PLCB1: variants seen among roughly 807,000 people sequenced by gnomAD.
The protein encoded by PLCB1 is 1-phosphatidylinositol 4,5-bisphosphate phosphodiesterase beta-1.
Under a neutral mutation model 161.8 loss-of-function variants are expected in PLCB1, and 46 were observed. That is an observed-to-expected ratio of 0.28 (90% CI 0.22 to 0.36). The LOEUF is 0.36. Among genes scored for constraint, PLCB1 ranks in the 10% least tolerant of loss-of-function variants. The pLI is 1.00. For synonymous variants in PLCB1, 517 were observed against 503.7 expected (o/e 1.03, Z -0.35); for missense variants, 1,016 against 1,472.5 (o/e 0.69, Z 5.07).
intron 23 of PLCB1, among the ~76,000 whole-genome samples, chr20:8,747,127 AC>A (rs1981213363): frequency 6.6e-6 from 1 of 152,196 alleles, no homozygotes; most frequent in Admixed American, 6.5e-5. Context: ...AGGATATAAG[AC>A]CTTTACCTTA....
intron 31 of PLCB1, among the ~76,000 whole-genome samples, chr20:8,859,452 T>G (rs898913199): frequency 7.2e-5 from 11 of 152,344 alleles, no homozygotes; most frequent in Non-Finnish European, 1.6e-4. Context: ...GAAGTGATAC[T>G]ACTGGTCCTA....
At chr20:8,160,668 C>A (rs561801182) in intron 2 of PLCB1, among the ~76,000 whole-genome samples, 92 of 152,300 alleles carry the variant, frequency 6.0e-4, no homozygotes, top group African/African-American at 2.2e-3. Context: ...CCCACCAGGT[C>A]CCTCCTACAA....
chr20:8,175,209 A>G (rs1384458720), intron 2 of PLCB1, among the ~76,000 whole-genome samples: 1 of 152,186 alleles, frequency 6.6e-6, no homozygotes, highest in Non-Finnish European at 1.5e-5. Flanking sequence ...CCAAGAAGGC[A>G]AGAAAAGGAA....
At chr20:8,267,758 A>G (rs1002881761) in intron 2 of PLCB1, among the ~76,000 whole-genome samples, 1 of 152,126 alleles carries the variant, frequency 6.6e-6, no homozygotes, top group East Asian at 1.9e-4. Flanking sequence ...CTGGGGTTCA[A>G]ATACTCTCTA....
In PLCB1 at chr20:8,458,312, C is replaced by T. The variant is rs186931662; in HGVS notation, c.246+86862C>T. Among the ~76,000 whole-genome samples the T allele has an allele frequency of 1.3e-3, 196 of 152,148 alleles. 1 individual carries two copies. The highest frequency in any genetic ancestry group is 6.8e-3 in the Middle Eastern group (2 of 294). Reference sequence around the variant, plus strand: ...TGTCATATATTGTCTGGCCATTGTCCGTTTGTATATTTCATCTCTCATGAT... The same window carrying T: ...TGTCATATATTGTCTGGCCATTGTCTGTTTGTATATTTCATCTCTCATGAT... On this transcript the variant is annotated intron_variant, in intron 3 of 31. Coordinates refer to ENST00000338037, the MANE Select transcript of PLCB1 (RefSeq NM_015192.4).
At chr20:8,706,902 G>A (rs1978711662) in intron 11 of PLCB1, among the ~76,000 whole-genome samples, 1 of 152,140 alleles carries the variant, frequency 6.6e-6, no homozygotes, top group Admixed American at 6.5e-5. Context: ...GCACTTTATA[G>A]ATTAGCAAAC....
intron 23 of PLCB1, among the ~76,000 whole-genome samples, chr20:8,753,813 A>G (rs1981601484): frequency 1.3e-5 from 2 of 152,202 alleles, no homozygotes; most frequent in African/African-American, 2.4e-5. Context: ...TAGGCTAAAA[A>G]TGAACAGCAG....
chr20:8,383,917 T>C (rs1388046949), intron 3 of PLCB1, among the ~76,000 whole-genome samples: 1 of 152,222 alleles, frequency 6.6e-6, no homozygotes, highest in Non-Finnish European at 1.5e-5. Context: ...CTTCCCTTTG[T>C]AGGTGACCTG....
At chr20:8,781,004 T>A (rs1228430987) in intron 27 of PLCB1, among the ~76,000 whole-genome samples, 1 of 152,264 alleles carries the variant, frequency 6.6e-6, no homozygotes, top group Non-Finnish European at 1.5e-5. Flanking sequence ...GTTTTTTATA[T>A]CTTGCTACAG....
chr20:8,740,435 A>G lies in PLCB1; in HGVS notation c.2400A>G (p.Pro800=). The G allele has an allele frequency of 1.3e-6, 2 of 1,579,866 alleles. No homozygotes were observed. Among genetic ancestry groups the G allele is most frequent in the Non-Finnish European group, 1.7e-6 (2 of 1,161,418 alleles). Residue 800 remains proline, a synonymous_variant, in exon 22 of 32, where the codon CCA becomes CCG. Coordinates refer to ENST00000338037, the MANE Select transcript of PLCB1 (RefSeq NM_015192.4). The stretch of plus-strand genomic sequence containing the variant: ...ACATAGAAGTGAAAGACTATGTGCC[A>G]GACACATATGCAGGTAAACAACTTA... ...FVYIEVKDYV[P]DTYADVIEAL...
At chr20:8,844,946 TGAAA>T (rs1986637307) in intron 31 of PLCB1, among the ~76,000 whole-genome samples, 1 of 151,322 alleles carries the variant, frequency 6.6e-6, no homozygotes, top group Non-Finnish European at 1.5e-5. Flanking sequence ...CCATCTCTAC[TGAAA>T]AAAAATACAA....
rs1400791753 is a variant in PLCB1, at chr20:8,644,737, C to T, written c.385-1365C>T. Among the ~76,000 whole-genome samples the T allele has an allele frequency of 4.0e-5, 6 of 151,788 alleles. No homozygotes were observed. In the South Asian group the frequency reaches 8.3e-4, roughly 21 times the overall value. On this transcript the variant is annotated intron_variant, in intron 4 of 31. Coordinates refer to ENST00000338037, the MANE Select transcript of PLCB1 (RefSeq NM_015192.4). ...CAGCCCCCCGCCCTGCCAGCCGCCCCGCCCGGGAGGTGAGGGGCGCCTCTG... is the reference window on the plus strand; with the variant it reads ...CAGCCCCCCGCCCTGCCAGCCGCCCTGCCCGGGAGGTGAGGGGCGCCTCTG...
intron 2 of PLCB1, among the ~76,000 whole-genome samples, chr20:8,200,019 T>TAAAG (rs2052075921): frequency 6.6e-6 from 1 of 152,136 alleles, no homozygotes. Context: ...TTAGAGTTCT[T>TAAAG]GTTCTTGCCA....
At chr20:8,382,633 C>A (rs1987294758) in intron 3 of PLCB1, among the ~76,000 whole-genome samples, 2 of 151,062 alleles carry the variant, frequency 1.3e-5, no homozygotes, top group Admixed American at 1.3e-4. Context: ...CTCTTGTGCT[C>A]CACCTCCCGG....
In PLCB1 at chr20:8,213,884, G is replaced by A. The variant is rs540569321; in HGVS notation, c.177+63513G>A. ...TGGAGGAAGTTCTCCCCAGTAATGCGGTTACTTTCCAGCATTTAGCAAGGA... is the reference window on the plus strand; with the variant it reads ...TGGAGGAAGTTCTCCCCAGTAATGCAGTTACTTTCCAGCATTTAGCAAGGA... On this transcript the variant is annotated intron_variant, in intron 2 of 31. Coordinates refer to ENST00000338037, the MANE Select transcript of PLCB1 (RefSeq NM_015192.4). Among the ~76,000 whole-genome samples, 17 of 151,998 alleles carry A rather than the reference G, an allele frequency of 1.1e-4. No individual in the cohort carries two copies. In the South Asian group the frequency reaches 1.2e-3, roughly 11 times the overall value.
chr20:8,632,035 C>CTTTTTTTTTTTTTT lies in PLCB1; in HGVS notation c.384+3623_384+3636dup, dbSNP rs34028351. 3.0e-4 allele frequency among the ~76,000 whole-genome samples: 14 copies of CTTTTTTTTTTTTTT among 45,986 alleles called. 1 individual carries two copies. The highest frequency in any genetic ancestry group is 4.8e-4 in the Non-Finnish European group (13 of 27,024). 30.2% of individuals were successfully genotyped at this position (45,986 alleles called of 152,430 possible). On this transcript the variant is annotated intron_variant, in intron 4 of 31. Transcript: ENST00000338037. ...AGGAGACAAATATGGGTTTTTTTTG[C>CTTTTTTTTTTTTTT]TTTTTTTTTTTTTTTTTTTTTTTTT...
At chr20:8,742,191 G>A (rs551574244) in intron 23 of PLCB1, among the ~76,000 whole-genome samples, 114 of 152,156 alleles carry the variant, frequency 7.5e-4, no homozygotes, top group South Asian at 6.2e-3. Flanking sequence ...TATGTAGACT[G>A]GCAGTCTTTT....
chr20:8,779,240 C>G (rs1472589194), intron 27 of PLCB1, among the ~76,000 whole-genome samples: 1 of 151,948 alleles, frequency 6.6e-6, no homozygotes, highest in Non-Finnish European at 1.5e-5. Flanking sequence ...TTACTGAAAA[C>G]TTAGTATTTG....
chr20:8,646,749 AT>A (rs1220147594), intron 5 of PLCB1, among the ~76,000 whole-genome samples: 1 of 152,242 alleles, frequency 6.6e-6, no homozygotes. Context: ...AAATTGCCAG[AT>A]CACTCTGGAA....
Sources: gnomAD v4.1 joint callset for allele counts (sites outside exome capture counted in the v4.1 genomes callset) on GRCh38, gnomAD v4.1.1 for gene constraint, MANE v1.5 for transcripts, NCBI Gene and HGNC (gene_info 2026-07-23, HGNC 2026-07-21) for gene names.